Variants in SNX6 observed in about 807,000 individuals in gnomAD.
The protein encoded by SNX6 is sorting nexin 6.
Under a neutral mutation model 63.0 loss-of-function variants are expected in SNX6, and 34 were observed. The observed-to-expected ratio is 0.54, with a 90% CI of 0.41 to 0.72. SNX6 has a LOEUF of 0.72. Among genes scored for constraint, SNX6 ranks in the 30% least tolerant of loss-of-function variants. The pLI, the probability that SNX6 is intolerant of heterozygous loss-of-function variation, is 0.00. For missense variants in SNX6, 398 were observed against 471.4 expected (o/e 0.84, Z 1.44); for synonymous variants, 170 against 164.2 (o/e 1.04, Z -0.27).
intron 4 of SNX6, among the ~76,000 whole-genome samples, chr14:34,607,214 C>T (rs1290252722): frequency 1.3e-5 from 2 of 152,066 alleles, no homozygotes; most frequent in Admixed American, 6.6e-5. Context: ...CCTAAGAAAA[C>T]ACTTCAGGAT....
chr14:34,607,185 T>C (rs1228975856), intron 4 of SNX6, among the ~76,000 whole-genome samples: 5 of 152,110 alleles, frequency 3.3e-5, no homozygotes, highest in African/African-American at 7.2e-5. Flanking sequence ...AATGAGGGAA[T>C]GTAACATACC....
At chr14:34,587,320 T>C (rs1036229920) in intron 8 of SNX6, among the ~76,000 whole-genome samples, 13 of 151,450 alleles carry the variant, frequency 8.6e-5, no homozygotes, top group South Asian at 4.2e-4. Flanking sequence ...ATCATGAGGT[T>C]AGGAGATTGA....
rs1447855396 is a variant in SNX6, at chr14:34,568,012, T to G, written c.923A>C (p.Asp308Ala). Residue 308 changes from aspartate to alanine, a missense_variant and splice_region_variant, in exon 12 of 14, where the codon GAT becomes GCT. Physicochemically the swap from Asp to Ala is moderately radical, Grantham distance 126. Coordinates refer to ENST00000362031, the MANE Select transcript of SNX6 (RefSeq NM_152233.4). ...YYLRESQAAKDLLYRRSRSLV... is the reference protein window; with the variant it reads ...YYLRESQAAKALLYRRSRSLV... Reference sequence around the variant, plus strand: ...TGACCTAGACCTTCGATACAGGAGATCCTATAAAACAGAATGCTTCACAAT... The same window carrying G: ...TGACCTAGACCTTCGATACAGGAGAGCCTATAAAACAGAATGCTTCACAAT... The G allele has an allele frequency of 6.2e-7, 1 of 1,610,676 alleles. No homozygotes were observed. Among genetic ancestry groups the G allele is most frequent in the Non-Finnish European group, 8.5e-7 (1 of 1,179,560 alleles).
chr14:34,627,516 G>A (rs974538102), intron 2 of SNX6, among the ~76,000 whole-genome samples: 9 of 150,922 alleles, frequency 6.0e-5, no homozygotes, highest in African/African-American at 1.9e-4. Flanking sequence ...TGCTCTTGTT[G>A]CCCAGGCTGG....
chr14:34,594,369 C>T (rs1456823808), intron 7 of SNX6, among the ~76,000 whole-genome samples: 2 of 150,482 alleles, frequency 1.3e-5, no homozygotes, highest in African/African-American at 4.9e-5. Flanking sequence ...TTATTATTAT[C>T]TTCAGACAGA....
At chr14:34,585,923 G>A (rs28417078) in intron 9 of SNX6, among the ~76,000 whole-genome samples, 1 of 148,464 alleles carries the variant, frequency 6.7e-6, no homozygotes, top group Admixed American at 6.7e-5. Context: ...TATTTTTTTT[G>A]AGATGGAGTC....
intron 2 of SNX6, among the ~76,000 whole-genome samples, chr14:34,626,970 T>A (rs1883851738): frequency 1.3e-5 from 2 of 152,150 alleles, no homozygotes; most frequent in South Asian, 4.1e-4. Flanking sequence ...TCATACTTCA[T>A]TAAGTAACTC....
chr14:34,606,640 T>A (rs1467030128), intron 4 of SNX6, among the ~76,000 whole-genome samples: 9 of 152,148 alleles, frequency 5.9e-5, no homozygotes, highest in Non-Finnish European at 1.2e-4. Flanking sequence ...TTAGTAGAGA[T>A]GCGGTTTCTC....
At chr14:34,596,829 C>T (rs1353548758) in intron 7 of SNX6, among the ~76,000 whole-genome samples, 2 of 151,752 alleles carry the variant, frequency 1.3e-5, no homozygotes, top group East Asian at 3.9e-4. Context: ...GGACTACCAC[C>T]CAGCTAATTT....
intron 4 of SNX6, among the ~76,000 whole-genome samples, chr14:34,607,270 A>G (rs1483083011): frequency 6.6e-6 from 1 of 152,098 alleles, no homozygotes; most frequent in Non-Finnish European, 1.5e-5. Context: ...ATTTAAAAAA[A>G]CATATCAGGC....
chr14:34,593,579 T>C (rs1299744524), intron 7 of SNX6, among the ~76,000 whole-genome samples: 10 of 150,776 alleles, frequency 6.6e-5, no homozygotes, highest in East Asian at 3.9e-4. Flanking sequence ...CTTTTCTTTT[T>C]TTTTTTTTTT....
chr14:34,600,984 C>T (rs1156613421), intron 6 of SNX6, among the ~76,000 whole-genome samples: 1 of 151,444 alleles, frequency 6.6e-6, no homozygotes, highest in Non-Finnish European at 1.5e-5. Context: ...TGCCATTGCA[C>T]TCCAGCCTGG....
chr14:34,602,854 T>G (rs1319950058), intron 6 of SNX6, among the ~76,000 whole-genome samples: 1 of 150,630 alleles, frequency 6.6e-6, no homozygotes, highest in Non-Finnish European at 1.5e-5. Context: ...CGGGCGCCTG[T>G]AGTCCCAGCT....
intron 2 of SNX6, among the ~76,000 whole-genome samples, chr14:34,611,872 G>A (rs899637026): frequency 7.9e-5 from 12 of 151,040 alleles, no homozygotes; most frequent in Admixed American, 1.3e-4. Context: ...TCCGCCTCCC[G>A]GGTTCACGCC....
At chr14:34,603,587 A>G in intron 5 of SNX6, 116 bp from the exon 6 acceptor site, 1 of 824,566 alleles carries the variant, frequency 1.2e-6, no homozygotes, top group Non-Finnish European at 1.8e-6. Context: ...CAGAGATACA[A>G]AGATATAATT....
intron 13 of SNX6, among the ~76,000 whole-genome samples, 195 bp from the exon 14 acceptor site, chr14:34,563,370 A>T (rs1324360198): frequency 6.6e-6 from 1 of 152,122 alleles, no homozygotes; most frequent in Admixed American, 6.6e-5. Flanking sequence ...CATCCTGGCT[A>T]ACACAGTGAA....
rs923113917 is a variant in SNX6, at chr14:34,610,995, A to G, written c.55-1253T>C. 1.9e-4 allele frequency among the ~76,000 whole-genome samples: 29 copies of G among 152,148 alleles called. 1 individual carries two copies. The highest frequency in any genetic ancestry group is 6.3e-4 in the African/African-American group (26 of 41,546). ...TATATATACGTGTGTGTGTGTGTAT[A>G]TATATATATAATTCTATTTTTTGTT... On this transcript the variant is annotated intron_variant, in intron 2 of 13. Coordinates refer to ENST00000362031, the MANE Select transcript of SNX6 (RefSeq NM_152233.4).
At chr14:34,603,295 AAG>A (rs1882896601) in intron 6 of SNX6, 51 bp downstream of exon 6, 100 of 1,516,198 alleles carry the variant, frequency 6.6e-5, no homozygotes, top group Non-Finnish European at 7.4e-5. Flanking sequence ...CAAAAAAAAA[AAG>A]AAGAAGAAGA....
At chr14:34,593,268 C>G in intron 7 of SNX6, 118 bp from the exon 8 acceptor site, 1 of 620,344 alleles carries the variant, frequency 1.6e-6, no homozygotes, top group Non-Finnish European at 2.8e-6. Context: ...TATCCTCAGT[C>G]AGATGTTATT....
Sources: gnomAD v4.1 joint callset for allele counts (sites outside exome capture counted in the v4.1 genomes callset) on GRCh38, gnomAD v4.1.1 for gene constraint, MANE v1.5 for transcripts, NCBI Gene and HGNC (gene_info 2026-07-23, HGNC 2026-07-21) for gene names.